The following BNC2 variants were observed in gnomAD, a reference collection of about 807,000 sequenced individuals.
BNC2 encodes zinc finger protein basonuclin-2.
In BNC2, 20 loss-of-function variants were observed where a neutral mutation model predicts 76.3. The ratio of observed to expected loss-of-function variants is 0.26; its 90% confidence interval spans 0.18 to 0.38. The LOEUF is 0.38. Among genes scored for constraint, BNC2 ranks in the 10% least tolerant of loss-of-function variants. The pLI, the probability that BNC2 is intolerant of heterozygous loss-of-function variation, is 1.00. For missense variants in BNC2, 1,382 were observed against 1,399.8 expected (o/e 0.99, Z 0.20); for synonymous variants, 582 against 514.8 (o/e 1.13, Z -1.77).
intron 3 of BNC2, among the ~76,000 whole-genome samples, chr9:16,708,788 G>C (rs890969407): frequency 5.3e-5 from 8 of 152,098 alleles, no homozygotes; most frequent in Admixed American, 2.0e-4. Flanking sequence ...GGAGGAGCTG[G>C]AGCCCCACAA....
At chr9:16,829,104 GC>G (rs1818521739) in intron 1 of BNC2, among the ~76,000 whole-genome samples, 1 of 152,150 alleles carries the variant, frequency 6.6e-6, no homozygotes, top group African/African-American at 2.4e-5. Flanking sequence ...CGACTGTTCC[GC>G]CCGCGTCCCT....
chr9:16,567,124 T>C (rs1819192189), intron 4 of BNC2, among the ~76,000 whole-genome samples: 2 of 152,172 alleles, frequency 1.3e-5, no homozygotes, highest in Non-Finnish European at 1.5e-5. Context: ...TGATAAGATC[T>C]ATAGTTTTCC....
chr9:16,532,154 A>G (rs1292505796), intron 5 of BNC2, among the ~76,000 whole-genome samples: 1 of 152,032 alleles, frequency 6.6e-6, no homozygotes, highest in Admixed American at 6.6e-5. Context: ...GAGTGGCATT[A>G]GGAAGCACTG....
At chr9:16,835,829 TAA>T (rs1219762671) in intron 1 of BNC2, among the ~76,000 whole-genome samples, 2 of 152,212 alleles carry the variant, frequency 1.3e-5, no homozygotes, top group Non-Finnish European at 2.9e-5. Flanking sequence ...AGATTTAAGT[TAA>T]AGAGGTTTTA....
chr9:16,659,681 A>G (rs563548184), intron 3 of BNC2, among the ~76,000 whole-genome samples: 11 of 151,358 alleles, frequency 7.3e-5, no homozygotes, highest in Non-Finnish European at 1.3e-4. Context: ...CTCTGCTAGA[A>G]TATTCTTCCC....
chr9:16,627,691 T>C (rs1821037795), intron 3 of BNC2, among the ~76,000 whole-genome samples: 1 of 152,220 alleles, frequency 6.6e-6, no homozygotes, highest in African/African-American at 2.4e-5. Context: ...GAAGTGTTTC[T>C]TATGAGCTGT....
intron 3 of BNC2, among the ~76,000 whole-genome samples, chr9:16,726,564 A>ATT (rs1824328675): frequency 1.4e-5 from 2 of 143,640 alleles, no homozygotes; most frequent in African/African-American, 5.7e-5. Flanking sequence ...CTTTTTAAAA[A>ATT]AAAAAAAAAA....
intron 3 of BNC2, among the ~76,000 whole-genome samples, chr9:16,583,741 A>G (rs1364556959): frequency 6.6e-6 from 1 of 152,216 alleles, no homozygotes; most frequent in Non-Finnish European, 1.5e-5. Flanking sequence ...ACAGTGACAT[A>G]AGAAAGAAAA....
At chr9:16,519,014 G>A (rs900947978) in intron 5 of BNC2, among the ~76,000 whole-genome samples, 1 of 152,230 alleles carries the variant, frequency 6.6e-6, no homozygotes. Flanking sequence ...ATGCTGAGAA[G>A]AGAAGGTGTG....
At chr9:16,792,736 G>C (rs1817547856) in intron 1 of BNC2, among the ~76,000 whole-genome samples, 1 of 152,182 alleles carries the variant, frequency 6.6e-6, no homozygotes, top group African/African-American at 2.4e-5. Context: ...AAAAAAGCTA[G>C]AGTGCTATAA....
At chr9:16,800,798 C>T (rs1817762241) in intron 1 of BNC2, among the ~76,000 whole-genome samples, 1 of 152,082 alleles carries the variant, frequency 6.6e-6, no homozygotes, top group Admixed American at 6.5e-5. Context: ...AATGTATTTT[C>T]AACAGTTTTT....
chr9:16,510,996 T>C (rs1822741007), intron 5 of BNC2, among the ~76,000 whole-genome samples: 1 of 152,166 alleles, frequency 6.6e-6, no homozygotes, highest in Non-Finnish European at 1.5e-5. Flanking sequence ...AAACACACAT[T>C]TGTTCCACAA....
intron 4 of BNC2, chr9:16,580,093 A>G (rs1242075178): frequency 2.5e-6 from 1 of 398,458 alleles, no homozygotes; most frequent in Non-Finnish European, 4.4e-6. Flanking sequence ...GCAGCCGGAA[A>G]GAATGCTGTG....
chr9:16,600,408 C>G (rs1820213864), intron 3 of BNC2, among the ~76,000 whole-genome samples: 1 of 152,174 alleles, frequency 6.6e-6, no homozygotes, highest in East Asian at 1.9e-4. Context: ...TGAGACACAG[C>G]TGCCAGATGG....
intron 3 of BNC2, among the ~76,000 whole-genome samples, chr9:16,699,810 G>A (rs967738716): frequency 6.6e-6 from 1 of 152,152 alleles, no homozygotes; most frequent in Non-Finnish European, 1.5e-5. Flanking sequence ...TAGCTAAAAA[G>A]TCTGGACTCT....
At chr9:16,858,381 T>A (rs976501733) in intron 1 of BNC2, among the ~76,000 whole-genome samples, 11 of 152,196 alleles carry the variant, frequency 7.2e-5, no homozygotes, top group African/African-American at 2.7e-4. Context: ...GGCTACCAAA[T>A]GACATATTTC....
intron 1 of BNC2, among the ~76,000 whole-genome samples, chr9:16,784,678 C>A (rs1826235307): frequency 6.6e-6 from 1 of 152,176 alleles, no homozygotes; most frequent in South Asian, 2.1e-4. Flanking sequence ...AGCCTCCAAT[C>A]TCAATCACTA....
At chr9:16,751,985 C>A (rs1000465463) in intron 1 of BNC2, among the ~76,000 whole-genome samples, 1 of 151,964 alleles carries the variant, frequency 6.6e-6, no homozygotes, top group African/African-American at 2.4e-5. Flanking sequence ...GCCCAGATCA[C>A]GCCACTGCAC....
intron 1 of BNC2, among the ~76,000 whole-genome samples, chr9:16,804,774 T>C (rs756111624): frequency 7.9e-5 from 12 of 152,048 alleles, no homozygotes; most frequent in Admixed American, 3.3e-4. Flanking sequence ...TTAAAAGTGG[T>C]GTGGAGAGGC....
Sources: allele counts gnomAD v4.1 joint callset (sites outside exome capture counted in the v4.1 genomes callset), GRCh38; gene constraint gnomAD v4.1.1; transcripts MANE v1.5; gene names NCBI Gene and HGNC (gene_info 2026-07-23, HGNC 2026-07-21).